CSMD1: variants seen among roughly 807,000 people sequenced by gnomAD.
CSMD1 encodes CUB and sushi domain-containing protein 1.
CSMD1 carries 213 observed loss-of-function variants against 417.5 expected under a neutral mutation model. That is an observed-to-expected ratio of 0.51 (90% CI 0.46 to 0.57). CSMD1 has a LOEUF of 0.57. Ranked by LOEUF, CSMD1 falls within the 20% of genes least tolerant of loss-of-function variation. CSMD1 has a pLI of 0.00. For synonymous variants in CSMD1, 2,862 were observed against 1,736.8 expected, an observed-to-expected ratio of 1.65 and a Z score of -16.11; for missense variants, 6,923 against 4,529.7, an observed-to-expected ratio of 1.53 and a Z score of -15.17.
chr8:4,695,323 T>G (rs1490213721), intron 1 of CSMD1, among the ~76,000 whole-genome samples: 1 of 152,054 alleles, frequency 6.6e-6, no homozygotes, highest in Non-Finnish European at 1.5e-5. Context: ...TTGAAATAAC[T>G]TCATTCAGCC....
At chr8:3,354,917 G>GATCTATCTATAGATA (rs1191776536) in intron 21 of CSMD1, among the ~76,000 whole-genome samples, 1 of 142,070 alleles carries the variant, frequency 7.0e-6, no homozygotes, top group African/African-American at 2.7e-5. Context: ...CTATAGATAT[G>GATCTATCTATAGATA]TCTATCTATA....
At chr8:4,820,911 G>C (rs571325605) in intron 1 of CSMD1, among the ~76,000 whole-genome samples, 1 of 152,294 alleles carries the variant, frequency 6.6e-6, no homozygotes, top group African/African-American at 2.4e-5. Context: ...TTAACTTGCA[G>C]ATGTGTATAT....
chr8:4,894,587 A>G (rs1034758308), intron 1 of CSMD1, among the ~76,000 whole-genome samples: 2 of 151,728 alleles, frequency 1.3e-5, no homozygotes, highest in African/African-American at 2.4e-5. Flanking sequence ...CTACATTGGC[A>G]ATATTGTGAA....
At chr8:4,964,117 A>G (rs1809691559) in intron 1 of CSMD1, among the ~76,000 whole-genome samples, 3 of 152,028 alleles carry the variant, frequency 2.0e-5, no homozygotes, top group Non-Finnish European at 1.5e-5. Flanking sequence ...AAGTGGCACT[A>G]TCTTCATTTT....
At chr8:3,664,839 G>A (rs1220833860) in intron 7 of CSMD1, among the ~76,000 whole-genome samples, 1 of 152,120 alleles carries the variant, frequency 6.6e-6, no homozygotes, top group Non-Finnish European at 1.5e-5. Flanking sequence ...TAAAAGTTTA[G>A]CAGTAAAGCC....
intron 10 of CSMD1, among the ~76,000 whole-genome samples, chr8:3,514,915 A>G (rs1797224546): frequency 6.6e-6 from 1 of 152,186 alleles, no homozygotes; most frequent in South Asian, 2.1e-4. Flanking sequence ...TCTATATGCT[A>G]AAGGCTGCCC....
chr8:3,495,092 G>T (rs913582441), intron 10 of CSMD1, among the ~76,000 whole-genome samples: 1 of 152,134 alleles, frequency 6.6e-6, no homozygotes, highest in African/African-American at 2.4e-5. Flanking sequence ...TGCAGTATTT[G>T]TATGAATACA....
At chr8:3,808,624 G>C (rs1013554660) in intron 5 of CSMD1, among the ~76,000 whole-genome samples, 1 of 152,172 alleles carries the variant, frequency 6.6e-6, no homozygotes, top group South Asian at 2.1e-4. Context: ...AAATACTATT[G>C]CATCAGAGAT....
At chr8:4,470,828 T>C (rs1393621562) in intron 2 of CSMD1, among the ~76,000 whole-genome samples, 3 of 152,220 alleles carry the variant, frequency 2.0e-5, no homozygotes, top group Non-Finnish European at 4.4e-5. Context: ...TGAATCGATG[T>C]TGTCTCTGGG....
chr8:4,652,413 A>T (rs992852807), intron 1 of CSMD1, among the ~76,000 whole-genome samples: 3 of 151,942 alleles, frequency 2.0e-5, no homozygotes, highest in Non-Finnish European at 2.9e-5. Flanking sequence ...CTGCTTTGGG[A>T]GGAAGTGGGA....
In CSMD1 at chr8:3,796,016, A is replaced by ATATC. The variant is rs1432004628; in HGVS notation, c.819-41978_819-41975dup. The stretch of plus-strand genomic sequence containing the variant: ...ATATATCTATCATGTATATAGATAT[A>ATATC]TATCATGTATAGATATAGATATATA... On this transcript the variant is annotated intron_variant, in intron 5 of 69. Transcript: ENST00000635120. 6.5e-5 allele frequency among the ~76,000 whole-genome samples: 4 copies of ATATC among 61,970 alleles called. 1 individual carries two copies. The highest frequency in any genetic ancestry group is 1.6e-4 in the African/African-American group (3 of 18,740). 40.7% of individuals were successfully genotyped at this position (61,970 alleles called of 152,430 possible).
chr8:3,937,930 T>A (rs1810617926), intron 5 of CSMD1, among the ~76,000 whole-genome samples: 1 of 152,182 alleles, frequency 6.6e-6, no homozygotes, highest in South Asian at 2.1e-4. Flanking sequence ...AAACCTCAGT[T>A]CTAATGTTTA....
At chr8:2,965,662 A>C (rs953302656) in intron 59 of CSMD1, 113 bp downstream of exon 59, 6 of 837,514 alleles carry the variant, frequency 7.2e-6, no homozygotes, top group African/African-American at 1.7e-5. Flanking sequence ...ATTGCTGTTC[A>C]AGAATTCCTA....
chr8:4,683,747 A>C (rs996216370), intron 1 of CSMD1, among the ~76,000 whole-genome samples: 3 of 152,196 alleles, frequency 2.0e-5, no homozygotes, highest in African/African-American at 7.2e-5. Flanking sequence ...ATTTTTGCAC[A>C]ATTAGCTCAG....
intron 41 of CSMD1, among the ~76,000 whole-genome samples, chr8:3,121,991 A>T (rs1420392219): frequency 6.6e-6 from 1 of 152,164 alleles, no homozygotes; most frequent in Admixed American, 6.5e-5. Flanking sequence ...TAGGTTGGTG[A>T]AAATGTAATT....
intron 26 of CSMD1, among the ~76,000 whole-genome samples, chr8:3,246,133 T>A (rs1053515268): frequency 1.3e-5 from 2 of 152,110 alleles, no homozygotes; most frequent in South Asian, 4.1e-4. Context: ...TGTCACTTCT[T>A]TATTTAAAAA....
chr8:3,812,641 C>A (rs1363010401), intron 5 of CSMD1, among the ~76,000 whole-genome samples: 1 of 152,142 alleles, frequency 6.6e-6, no homozygotes, highest in African/African-American at 2.4e-5. Flanking sequence ...AATCTGTATC[C>A]TAGCCACAGT....
chr8:3,436,639 A>G (rs1224383515), intron 12 of CSMD1, among the ~76,000 whole-genome samples: 4 of 152,182 alleles, frequency 2.6e-5, no homozygotes, highest in Non-Finnish European at 5.9e-5. Context: ...TAGTGATTAC[A>G]TGTATTTCAA....
At chr8:4,959,759 T>A (rs967864833) in intron 1 of CSMD1, among the ~76,000 whole-genome samples, 1 of 152,234 alleles carries the variant, frequency 6.6e-6, no homozygotes, top group Admixed American at 6.5e-5. Context: ...AGTCTTCCTG[T>A]ACGTGACCTT....
Sources: allele counts gnomAD v4.1 joint callset (sites outside exome capture counted in the v4.1 genomes callset), GRCh38; gene constraint gnomAD v4.1.1; transcripts MANE v1.5; gene names NCBI Gene and HGNC (gene_info 2026-07-23, HGNC 2026-07-21).